The following SYNDIG1 variants were observed in gnomAD, a reference collection of about 807,000 sequenced individuals.
SYNDIG1 encodes synapse differentiation inducing 1.
A neutral mutation model predicts 19.4 loss-of-function variants in SYNDIG1; 9 were observed. That is an observed-to-expected ratio of 0.46 (90% CI 0.28 to 0.81). The LOEUF (loss-of-function observed/expected upper bound fraction) is 0.81, where lower values mean the gene tolerates loss of function less well. SYNDIG1 is among the 30% of genes least tolerant of loss of function. The pLI, the probability that SYNDIG1 is intolerant of heterozygous loss-of-function variation, is 0.12. For synonymous variants in SYNDIG1, 141 were observed against 145.9 expected, an observed-to-expected ratio of 0.97 and a Z score of 0.24; for missense variants, 311 against 343.3, an observed-to-expected ratio of 0.91 and a Z score of 0.74.
At chr20:24,506,470 T>A (rs1164999597) in intron 1 of SYNDIG1, among the ~76,000 whole-genome samples, 3 of 152,174 alleles carry the variant, frequency 2.0e-5, no homozygotes, top group Admixed American at 6.5e-5. Context: ...CCACCACAGC[T>A]GAGGGTGGAC....
intron 3 of SYNDIG1, among the ~76,000 whole-genome samples, chr20:24,601,248 G>C (rs1468564562): frequency 6.6e-6 from 1 of 152,070 alleles, no homozygotes; most frequent in Non-Finnish European, 1.5e-5. Flanking sequence ...ACATTTTTGT[G>C]TTTCTGTTTA....
intron 1 of SYNDIG1, among the ~76,000 whole-genome samples, chr20:24,478,795 G>C (rs1218077051): frequency 6.6e-6 from 1 of 152,218 alleles, no homozygotes; most frequent in Non-Finnish European, 1.5e-5. Context: ...CATGCACTTA[G>C]AAAAGTCAGG....
At chr20:24,519,640 A>G (rs2056961069) in intron 1 of SYNDIG1, among the ~76,000 whole-genome samples, 1 of 152,200 alleles carries the variant, frequency 6.6e-6, no homozygotes, top group Non-Finnish European at 1.5e-5. Flanking sequence ...TCCACATCCC[A>G]GTTCTCTACC....
intron 1 of SYNDIG1, among the ~76,000 whole-genome samples, chr20:24,501,559 C>T (rs2146383766): frequency 6.6e-6 from 1 of 152,340 alleles, no homozygotes; most frequent in Admixed American, 6.5e-5. Flanking sequence ...CAAGGCCACA[C>T]CGGCTGGGTT....
At chr20:24,497,282 A>G (rs545156675) in intron 1 of SYNDIG1, among the ~76,000 whole-genome samples, 2 of 152,202 alleles carry the variant, frequency 1.3e-5, no homozygotes, top group African/African-American at 2.4e-5. Context: ...GCTCACTGCA[A>G]TCTTCGCCTC....
intron 1 of SYNDIG1, among the ~76,000 whole-genome samples, chr20:24,496,517 G>GT (rs2056309879): frequency 6.6e-6 from 1 of 152,146 alleles, no homozygotes; most frequent in Non-Finnish European, 1.5e-5. Context: ...ATAAATGTGG[G>GT]TTTTGGCATT....
intron 2 of SYNDIG1, among the ~76,000 whole-genome samples, chr20:24,582,189 C>A (rs1312003852): frequency 1.4e-5 from 2 of 146,844 alleles, no homozygotes; most frequent in African/African-American, 2.6e-5. Context: ...GTCCTCCCCG[C>A]TGCACATCCT....
At chr20:24,626,637 G>T (rs1298315599) in intron 3 of SYNDIG1, among the ~76,000 whole-genome samples, 1 of 151,838 alleles carries the variant, frequency 6.6e-6, no homozygotes. Context: ...GACGATGGGC[G>T]GCCAGGCAGA....
At position 24,543,260 on chromosome 20, in the gene SYNDIG1, G is replaced by A. The variant is rs2057503761; in HGVS notation, c.163G>A (p.Ala55Thr). The change falls in exon 2 of 4, where the codon GCC becomes ACC. Residue 55 changes from alanine to threonine, a missense_variant. Physicochemically the swap from Ala to Thr is moderately conservative, Grantham distance 58. Transcript: ENST00000376862. ...CCAGTACCAGAGCCACCGGGTGGGG[G>A]CCAGCACAGTGCCGGCCAGCCTGGA... The part of the protein sequence containing the change: ...APQYQSHRVG[A>T]STVPASLDSS... 6.2e-7 allele frequency: 1 copy of A among 1,613,646 alleles called. No individual in the cohort carries two copies.
intron 1 of SYNDIG1, among the ~76,000 whole-genome samples, chr20:24,505,836 A>G (rs557181019): frequency 9.1e-4 from 138 of 152,060 alleles, no homozygotes; most frequent in South Asian, 1.2e-3. Context: ...AAATCCTGAC[A>G]ATAGAGACAT....
intron 2 of SYNDIG1, among the ~76,000 whole-genome samples, chr20:24,580,452 C>T (rs1303401496): frequency 6.6e-6 from 1 of 152,104 alleles, no homozygotes; most frequent in East Asian, 1.9e-4. Flanking sequence ...ACTCTGTTGC[C>T]CCGGCTGGAG....
At chr20:24,525,556 T>G (rs2057106966) in intron 1 of SYNDIG1, among the ~76,000 whole-genome samples, 1 of 152,110 alleles carries the variant, frequency 6.6e-6, no homozygotes, top group South Asian at 2.1e-4. Flanking sequence ...AGTGCTGGGA[T>G]TACAGGCGTG....
chr20:24,633,879 G>A (rs1232659716), intron 3 of SYNDIG1, among the ~76,000 whole-genome samples: 1 of 152,170 alleles, frequency 6.6e-6, no homozygotes. Flanking sequence ...GGCACAGCAC[G>A]TGACACCCGC....
intron 3 of SYNDIG1, among the ~76,000 whole-genome samples, chr20:24,590,724 C>A (rs1030036450): frequency 6.6e-6 from 1 of 152,134 alleles, no homozygotes; most frequent in Non-Finnish European, 1.5e-5. Flanking sequence ...CAGGAGCTGT[C>A]GGCCTCTGCG....
chr20:24,538,624 G>A (rs1323650553), intron 1 of SYNDIG1, among the ~76,000 whole-genome samples: 1 of 152,160 alleles, frequency 6.6e-6, no homozygotes, highest in Non-Finnish European at 1.5e-5. Flanking sequence ...TCCAGAAGTG[G>A]AATTTCTGGA....
intron 2 of SYNDIG1, among the ~76,000 whole-genome samples, chr20:24,571,423 C>G (rs1355905091): frequency 6.6e-6 from 1 of 152,094 alleles, no homozygotes; most frequent in Non-Finnish European, 1.5e-5. Flanking sequence ...CCTACAGGAA[C>G]TCTGTTCTAT....
chr20:24,476,137 A>G (rs576565012), intron 1 of SYNDIG1, among the ~76,000 whole-genome samples: 5 of 152,218 alleles, frequency 3.3e-5, no homozygotes, highest in African/African-American at 1.2e-4. Flanking sequence ...CTGGAATTAC[A>G]TGCATGAGCC....
intron 1 of SYNDIG1, among the ~76,000 whole-genome samples, chr20:24,504,323 A>G (rs887753013): frequency 6.6e-6 from 1 of 152,148 alleles, no homozygotes; most frequent in Non-Finnish European, 1.5e-5. Flanking sequence ...GTTTCACTGC[A>G]GTGTAGATTG....
intron 1 of SYNDIG1, among the ~76,000 whole-genome samples, chr20:24,523,760 T>G (rs2057056871): frequency 6.6e-6 from 1 of 152,214 alleles, no homozygotes; most frequent in South Asian, 2.1e-4. Context: ...CTTTTCACAT[T>G]GAGGAAAGAA....
Sources: gnomAD v4.1 joint callset for allele counts (sites outside exome capture counted in the v4.1 genomes callset) on GRCh38, gnomAD v4.1.1 for gene constraint, MANE v1.5 for transcripts, NCBI Gene and HGNC (gene_info 2026-07-23, HGNC 2026-07-21) for gene names.